The following GALNTL6 variants were observed in gnomAD, a reference collection of about 807,000 sequenced individuals.
GALNTL6 encodes the protein polypeptide N-acetylgalactosaminyltransferase like 6.
Under a neutral mutation model 73.7 loss-of-function variants are expected in GALNTL6, and 46 were observed. That is an observed-to-expected ratio of 0.62 (90% CI 0.49 to 0.80). GALNTL6 has a LOEUF of 0.80. Ranked by LOEUF, GALNTL6 falls within the 30% of genes least tolerant of loss-of-function variation. GALNTL6 has a pLI of 0.00. For synonymous variants in GALNTL6, 259 were observed against 263.7 expected (o/e 0.98, Z 0.17); for missense variants, 604 against 755.0 (o/e 0.80, Z 2.34).
intron 5 of GALNTL6, among the ~76,000 whole-genome samples, chr4:172,513,208 G>A (rs1347382449): frequency 6.6e-6 from 1 of 152,012 alleles, no homozygotes; most frequent in African/African-American, 2.4e-5. Flanking sequence ...TTGTCTTCAA[G>A]CTCTGAAGTT....
At chr4:172,427,380 C>T (rs184067758) in intron 5 of GALNTL6, among the ~76,000 whole-genome samples, 14 of 152,142 alleles carry the variant, frequency 9.2e-5, no homozygotes, top group Admixed American at 5.2e-4. Context: ...TTCTCTATTA[C>T]GAGAACAGCA....
intron 3 of GALNTL6, among the ~76,000 whole-genome samples, chr4:172,242,386 C>A (rs1277923329): frequency 6.6e-6 from 1 of 151,884 alleles, no homozygotes; most frequent in African/African-American, 2.4e-5. Flanking sequence ...GATATGTTTT[C>A]TAGAAAGCAT....
chr4:172,882,002 A>G (rs1745478945), intron 7 of GALNTL6, among the ~76,000 whole-genome samples: 1 of 151,780 alleles, frequency 6.6e-6, no homozygotes, highest in Non-Finnish European at 1.5e-5. Flanking sequence ...TATCCTTTAG[A>G]CCAGCACATA....
intron 5 of GALNTL6, among the ~76,000 whole-genome samples, chr4:172,793,362 C>T (rs1339883569): frequency 6.6e-6 from 1 of 152,096 alleles, no homozygotes; most frequent in Non-Finnish European, 1.5e-5. Flanking sequence ...AAAGTTATAA[C>T]AAATCCTTCC....
intron 2 of GALNTL6, among the ~76,000 whole-genome samples, chr4:171,985,082 C>T (rs1315726612): frequency 6.6e-6 from 1 of 150,762 alleles, no homozygotes; most frequent in Non-Finnish European, 1.5e-5. Context: ...TTTTTTAGAG[C>T]TCTCCCCACC....
intron 3 of GALNTL6, among the ~76,000 whole-genome samples, chr4:172,279,298 A>G (rs1738945890): frequency 6.6e-6 from 1 of 152,174 alleles, no homozygotes. Flanking sequence ...ATGGGAGAAA[A>G]TATTTCTCAA....
At chr4:172,165,198 T>C (rs754906617) in intron 2 of GALNTL6, among the ~76,000 whole-genome samples, 21 of 152,154 alleles carry the variant, frequency 1.4e-4, no homozygotes, top group Non-Finnish European at 2.9e-4. Context: ...TACTGGCCAC[T>C]GTATATTTTA....
intron 5 of GALNTL6, among the ~76,000 whole-genome samples, chr4:172,740,452 G>T (rs972466041): frequency 1.3e-5 from 2 of 152,088 alleles, no homozygotes; most frequent in African/African-American, 4.8e-5. Context: ...CTGGAATAAT[G>T]AATTTACCTA....
chr4:172,376,061 G>A (rs772464190), intron 5 of GALNTL6, among the ~76,000 whole-genome samples: 4 of 152,142 alleles, frequency 2.6e-5, no homozygotes, highest in Non-Finnish European at 5.9e-5. Context: ...CTTGTCTGAG[G>A]AGGGATCCTA....
intron 5 of GALNTL6, among the ~76,000 whole-genome samples, chr4:172,774,646 C>G (rs1738966307): frequency 6.6e-6 from 1 of 152,158 alleles, no homozygotes; most frequent in Admixed American, 6.5e-5. Flanking sequence ...TCCTCTGATA[C>G]TTAGGGAGGT....
At chr4:171,890,398 A>G (rs1016420482) in intron 2 of GALNTL6, among the ~76,000 whole-genome samples, 1 of 152,106 alleles carries the variant, frequency 6.6e-6, no homozygotes, top group Non-Finnish European at 1.5e-5. Context: ...CATTATCAAT[A>G]TGGACACTAT....
chr4:172,320,423 A>G (rs1376932905), intron 4 of GALNTL6, among the ~76,000 whole-genome samples: 1 of 152,192 alleles, frequency 6.6e-6, no homozygotes. Context: ...AGCACCAAAT[A>G]TCTTCCCAAA....
At chr4:172,191,956 A>G (rs1383929145) in intron 2 of GALNTL6, among the ~76,000 whole-genome samples, 1 of 152,004 alleles carries the variant, frequency 6.6e-6, no homozygotes, top group African/African-American at 2.4e-5. Flanking sequence ...ATTTACATGC[A>G]TAATAAATAA....
chr4:172,275,013 T>C (rs929914634), intron 3 of GALNTL6, among the ~76,000 whole-genome samples: 1 of 152,180 alleles, frequency 6.6e-6, no homozygotes, highest in Admixed American at 6.5e-5. Flanking sequence ...AAGTATTGAT[T>C]GAATTATTTC....
At chr4:172,423,959 C>T (rs1375825832) in intron 5 of GALNTL6, among the ~76,000 whole-genome samples, 1 of 152,114 alleles carries the variant, frequency 6.6e-6, no homozygotes, top group African/African-American at 2.4e-5. Context: ...AGGCAAGTTA[C>T]TTACATGCCT....
chr4:172,681,994 G>A (rs1732655287), intron 5 of GALNTL6, among the ~76,000 whole-genome samples: 1 of 152,122 alleles, frequency 6.6e-6, no homozygotes, highest in South Asian at 2.1e-4. Flanking sequence ...GAAGAGGAAA[G>A]GTAGGACAAA....
intron 5 of GALNTL6, among the ~76,000 whole-genome samples, chr4:172,354,510 A>G (rs1742081671): frequency 6.6e-6 from 1 of 152,054 alleles, no homozygotes; most frequent in African/African-American, 2.4e-5. Context: ...TTGTGAATGT[A>G]AGGGAATCTG....
chr4:172,808,163 A>G (rs940471181), intron 5 of GALNTL6, among the ~76,000 whole-genome samples: 1 of 152,260 alleles, frequency 6.6e-6, no homozygotes, highest in East Asian at 1.9e-4. Flanking sequence ...AAAGCCAAAT[A>G]TTGTTTTCAT....
chr4:172,373,207 G>T (rs890073753), intron 5 of GALNTL6, among the ~76,000 whole-genome samples: 5 of 152,212 alleles, frequency 3.3e-5, no homozygotes, highest in African/African-American at 1.2e-4. Context: ...AAGTTGGGAC[G>T]TGTGGTCTGT....
Sources: allele counts gnomAD v4.1 joint callset (sites outside exome capture counted in the v4.1 genomes callset), GRCh38; gene constraint gnomAD v4.1.1; transcripts MANE v1.5; gene names NCBI Gene and HGNC (gene_info 2026-07-23, HGNC 2026-07-21).